The following CHD3 variants were observed in gnomAD, a reference collection of about 807,000 sequenced individuals.
CHD3 encodes chromodomain helicase DNA binding protein 3.
In CHD3, 52 loss-of-function variants were observed where a neutral mutation model predicts 248.9. That is an observed-to-expected ratio of 0.21 (90% CI 0.17 to 0.26). The LOEUF (loss-of-function observed/expected upper bound fraction) is 0.26. Among genes scored for constraint, CHD3 ranks in the 10% least tolerant of loss-of-function variants. CHD3 has a pLI of 1.00. For synonymous variants in CHD3, 985 were observed against 985.2 expected (o/e 1.00, Z 0.00); for missense variants, 1,482 against 2,605.8 (o/e 0.57, Z 9.39).
chr17:7,907,764 G>A lies in CHD3; in HGVS notation c.5026+62G>A. ...AGGGCATCAGGGGAGGTGGAGTCTG[G>A]GGAACCGAATGCTTGGGTCCTGGGC... On this transcript the variant is annotated intron_variant, in intron 33 of 39. Coordinates refer to ENST00000330494, the MANE Select transcript of CHD3 (RefSeq NM_001005273.3). The surrounding 1 kb of genome is among the most constrained non-coding windows in gnomAD (Gnocchi z 4.3). 1 of 1,506,048 alleles carries A rather than the reference G, an allele frequency of 6.6e-7. No homozygotes were observed. Among genetic ancestry groups the A allele is most frequent in the Non-Finnish European group, 8.9e-7 (1 of 1,127,616 alleles). The allele number at this position is 1,506,048 out of a possible 1,614,324, so 93.3% of individuals were successfully genotyped here.
rs149982310 is a variant in CHD3, at chr17:7,895,964, G to A, written c.1707+422G>A. Among the ~76,000 whole-genome samples, 1,125 of 152,062 alleles carry A rather than the reference G, an allele frequency of 7.4e-3. 10 individuals carry two copies. Among genetic ancestry groups the A allele is most frequent in the African/African-American group, 0.025 (1,026 of 41,482 alleles). Reference sequence around the variant, plus strand: ...TTCTCGGCTGGGTGTGGTGGCTCACGCCTGTAATCCCAGTACTTTGGGAGG... The same window carrying A: ...TTCTCGGCTGGGTGTGGTGGCTCACACCTGTAATCCCAGTACTTTGGGAGG... On this transcript the variant is annotated intron_variant, in intron 10 of 39. Transcript: ENST00000330494. The surrounding 1 kb of genome is among the most constrained non-coding windows in gnomAD (Gnocchi z 4.9).
chr17:7,899,594 T>A lies in CHD3; in HGVS notation c.2544+51T>A. 1 of 1,564,946 alleles carries A rather than the reference T, an allele frequency of 6.4e-7. No individual in the cohort carries two copies. Among genetic ancestry groups the A allele is most frequent in the South Asian group, 1.1e-5 (1 of 89,096 alleles). Reference sequence around the variant, plus strand: ...TGAGACCCTCAAAGCTGTCACTTCTTTTTCTCAGCCAGGAATTCAGTTTCT... The same window carrying A: ...TGAGACCCTCAAAGCTGTCACTTCTATTTCTCAGCCAGGAATTCAGTTTCT... On this transcript the variant is annotated intron_variant, in intron 15 of 39. Coordinates refer to ENST00000330494, the MANE Select transcript of CHD3 (RefSeq NM_001005273.3). The surrounding 1 kb of genome is among the most constrained non-coding windows in gnomAD (Gnocchi z 6.8).
In CHD3 at chr17:7,908,924, A is replaced by AG; in HGVS notation, c.5394+98dup. 1 of 1,525,480 alleles carries AG rather than the reference A, an allele frequency of 6.6e-7. No individual in the cohort carries two copies. Among genetic ancestry groups the AG allele is most frequent in the Non-Finnish European group, 9.0e-7 (1 of 1,110,286 alleles). 94.5% of individuals were successfully genotyped at this position (1,525,480 alleles called of 1,614,324 possible). On this transcript the variant is annotated intron_variant, in intron 36 of 39. Coordinates refer to ENST00000330494, the MANE Select transcript of CHD3 (RefSeq NM_001005273.3). This position sits in a 1 kb window ranked among gnomAD's most constrained non-coding sequence, Gnocchi z 5.8. ...GAACCTAGGGAAGGTTAACACCTTCAGGGCTGAGGTGATACCTGGGGCCAA... is the reference window on the plus strand; with the variant it reads ...GAACCTAGGGAAGGTTAACACCTTCAGGGGCTGAGGTGATACCTGGGGCCAA...
chr17:7,899,251 G>A lies in CHD3; in HGVS notation c.2343+49G>A. The A allele has an allele frequency of 6.2e-7, 1 of 1,603,074 alleles. No homozygotes were observed. The highest frequency in any genetic ancestry group is 8.5e-7 in the Non-Finnish European group (1 of 1,171,040). ...GGGGACCGCCTGGACTGGGGAAGTG[G>A]GGAGGGGGAAGATAAAGGGGTGTAG... On this transcript the variant is annotated intron_variant, in intron 14 of 39. Transcript: ENST00000330494. The surrounding 1 kb of genome is among the most constrained non-coding windows in gnomAD (Gnocchi z 6.8).
upstream of CHD3, chr17:7,885,025 C>A: frequency 8.6e-7 from 1 of 1,161,150 alleles, no homozygotes; most frequent in Non-Finnish European, 1.1e-6. Context: ...GCCACCTCTT[C>A]CCGCCGCCGC....
In CHD3 at chr17:7,907,476, A is replaced by G. The variant is rs1401753022; in HGVS notation, c.4912A>G (p.Arg1638Gly). The G allele has an allele frequency of 6.9e-6, 11 of 1,595,246 alleles. No individual in the cohort carries two copies. In the South Asian group the frequency reaches 1.1e-4, roughly 16 times the overall value. Residue 1638 changes from arginine to glycine, a missense_variant, in exon 32 of 40, where the codon AGA becomes GGA. Around this residue, in one of 20 missense-constraint regions of CHD3, gnomAD observed 254 missense variants for 266.7 expected, o/e 0.95. Coordinates refer to ENST00000330494, the MANE Select transcript of CHD3 (RefSeq NM_001005273.3). This position sits in a 1 kb window ranked among gnomAD's most constrained non-coding sequence, Gnocchi z 4.3. ...GCCTGAACCTGGGTACCGTGGGGACAGAGAGAAGTCAGGTGGGTGCATGGC... is the reference window on the plus strand; with the variant it reads ...GCCTGAACCTGGGTACCGTGGGGACGGAGAGAAGTCAGGTGGGTGCATGGC... ...MEPEPGYRGDREKSATESTPG... is the reference protein window; with the variant it reads ...MEPEPGYRGDGEKSATESTPG...
rs746991015 is a variant in CHD3 at position 7,898,122 on chromosome 17, G to T, written c.2051+20G>T. ...ACACCGGTGAGGGAATGAGCTTGTG[G>T]ATTCAAGGGATTCTGACGATGAGGG... On this transcript the variant is annotated intron_variant, in intron 12 of 39. Coordinates refer to ENST00000330494, the MANE Select transcript of CHD3 (RefSeq NM_001005273.3). 4 of 1,611,680 alleles carry T rather than the reference G, an allele frequency of 2.5e-6. No homozygotes were observed. Among genetic ancestry groups the T allele is most frequent in the Admixed American group, 3.4e-5 (2 of 59,678 alleles).
At chr17:7,885,040 G>T, upstream of CHD3, 1 of 1,114,032 alleles carries the variant, frequency 9.0e-7, no homozygotes, top group Non-Finnish European at 1.1e-6. Flanking sequence ...CGCCGCCGCC[G>T]CCGCCGCCAC....
At chr17:7,885,025 C>CCCGCCG (rs759738955), upstream of CHD3, 69 of 1,161,206 alleles carry the variant, frequency 5.9e-5, no homozygotes, top group Admixed American at 1.4e-4. Context: ...GCCACCTCTT[C>CCCGCCG]CCGCCGCCGC....
chr17:7,909,539 G>A lies in CHD3; in HGVS notation c.5590+201G>A. The A allele has an allele frequency of 1.4e-6, 1 of 712,430 alleles. No individual in the cohort carries two copies. Among genetic ancestry groups the A allele is most frequent in the Non-Finnish European group, 2.2e-6 (1 of 453,244 alleles). The allele number at this position is 712,430 out of a possible 1,614,324, so 44.1% of individuals were successfully genotyped here. ...CTTGTGCAAGCCAACCCTCATCCAT[G>A]TCTGATAGCATTCACATCCGTGCCC... is the stretch of plus-strand genomic sequence containing the variant. On this transcript the variant is annotated intron_variant, in intron 37 of 39. Transcript: ENST00000330494. The surrounding 1 kb of genome is among the most constrained non-coding windows in gnomAD (Gnocchi z 8.1).
In CHD3 at chr17:7,911,039, A is replaced by T. The variant is rs1254771138; in HGVS notation, c.5881+66A>T. 6 of 1,600,452 alleles carry T rather than the reference A, an allele frequency of 3.7e-6. No homozygotes were observed. In the African/African-American group the frequency reaches 8.1e-5, roughly 22 times the overall value. ...CCTTTGCCAAACTTTATTTCTGCTC[A>T]GCTGCCCTTTAACTGCTCTAGTCCA... On this transcript the variant is annotated intron_variant, in intron 39 of 39. Coordinates refer to ENST00000330494, the MANE Select transcript of CHD3 (RefSeq NM_001005273.3). This position sits in a 1 kb window ranked among gnomAD's most constrained non-coding sequence, Gnocchi z 5.4.
At position 7,888,962 on chromosome 17, in the gene CHD3, A is replaced by T; in HGVS notation, c.-39A>T. On this transcript the variant is annotated 5_prime_UTR_variant, in exon 1 of 40. Transcript: ENST00000330494. ...GGTAGGTTTTAGGCTACTTGGGAGG[A>T]GGAATATTTAGGTAATTGTGGAGAC... 2 of 1,613,850 alleles carry T rather than the reference A, an allele frequency of 1.2e-6. No individual in the cohort carries two copies. Among genetic ancestry groups the T allele is most frequent in the Non-Finnish European group, 1.7e-6 (2 of 1,179,820 alleles).
In CHD3 at chr17:7,907,614, G is replaced by A. The variant is rs1264937399; in HGVS notation, c.4938G>A (p.Thr1646=). 7 of 1,515,662 alleles carry A rather than the reference G, an allele frequency of 4.6e-6. No homozygotes were observed. The highest frequency in any genetic ancestry group is 2.6e-5 in the South Asian group (2 of 76,540). The allele number at this position is 1,515,662 out of a possible 1,614,324, so 93.9% of individuals were successfully genotyped here. Residue 1646 remains threonine, a synonymous_variant, in exon 33 of 40, where the codon ACG becomes ACA. Coordinates refer to ENST00000330494, the MANE Select transcript of CHD3 (RefSeq NM_001005273.3). This position sits in a 1 kb window ranked among gnomAD's most constrained non-coding sequence, Gnocchi z 4.3. The part of the protein sequence containing the change: ...GDREKSATES[T]PGERGEEKPL... ...CCCCTCCCACAGCCACAGAGTCGAC[G>A]CCAGGAGAAAGGGGGGAGGAGAAGC...
Position 7,911,502 on chromosome 17 carries a change from A to G in CHD3, c.5920A>G (p.Lys1974Glu), listed in dbSNP as rs1310909264. ...CCCTCCAGTGCTTGTGAAGAAGGAGAAGGAAATGGTGGGGGCATTGGTGTC... is the reference window on the plus strand; with the variant it reads ...CCCTCCAGTGCTTGTGAAGAAGGAGGAGGAAATGGTGGGGGCATTGGTGTC... The part of the protein sequence containing the change: ...NGPPVLVKKE[K>E]EMVGALVSDG... The change falls in exon 40 of 40, where the codon AAG becomes GAG. Residue 1974 changes from lysine (K) to glutamate (E), a missense_variant. Coordinates refer to ENST00000330494, the MANE Select transcript of CHD3 (RefSeq NM_001005273.3). This position sits in a 1 kb window ranked among gnomAD's most constrained non-coding sequence, Gnocchi z 5.4. 1 of 1,614,110 alleles carries G rather than the reference A, an allele frequency of 6.2e-7. No individual in the cohort carries two copies. Among genetic ancestry groups the G allele is most frequent in the Non-Finnish European group, 8.5e-7 (1 of 1,180,006 alleles).
In CHD3 at chr17:7,911,119, TC is replaced by T; in HGVS notation, c.5881+152del. ...TATGGGATAGAGTTGTTCTAGGCTG[TC>T]CCCCCACCCATCCCTTTCTTAACCC... On this transcript the variant is annotated intron_variant, in intron 39 of 39. Transcript: ENST00000330494. This position sits in a 1 kb window ranked among gnomAD's most constrained non-coding sequence, Gnocchi z 5.4. 3.4e-6 allele frequency: 4 copies of T among 1,167,488 alleles called. No homozygotes were observed. The highest frequency in any genetic ancestry group is 2.5e-6 in the Non-Finnish European group (2 of 811,800). 72.3% of individuals were successfully genotyped at this position (1,167,488 alleles called of 1,614,324 possible). A position where few individuals can be genotyped will look rare whatever the true frequency, so the allele number is the denominator to read the frequency against.
At chr17:7,888,779 G>C (rs1968389265), upstream of CHD3, 4 of 1,404,058 alleles carry the variant, frequency 2.8e-6, no homozygotes, top group South Asian at 4.7e-5. Flanking sequence ...GGGTGTGTCT[G>C]TCTGTGCCTA....
rs748298491 is a variant in CHD3 at position 7,907,863 on chromosome 17, G to C, written c.5027-31G>C. The stretch of plus-strand genomic sequence containing the variant: ...GGGACCTGGGAGGAGGGTGTCCTGA[G>C]GTGTGAGCTTTGACCTGTCTGTCCT... On this transcript the variant is annotated intron_variant, in intron 33 of 39. Transcript: ENST00000330494. The surrounding 1 kb of genome is among the most constrained non-coding windows in gnomAD (Gnocchi z 4.3). The C allele has an allele frequency of 3.1e-6, 5 of 1,601,258 alleles. No individual in the cohort carries two copies. The highest frequency in any genetic ancestry group is 4.3e-6 in the Non-Finnish European group (5 of 1,171,486).
rs1411462788 is a variant in CHD3 at position 7,894,282 on chromosome 17, G to A, written c.1075+17G>A. ...AGAAGAAGGGTAAGGAGTGTTGACT[G>A]TGTGTGATCCTGTCAGTGGGCCGTC... On this transcript the variant is annotated intron_variant, in intron 7 of 39. Coordinates refer to ENST00000330494, the MANE Select transcript of CHD3 (RefSeq NM_001005273.3). 1 of 1,611,428 alleles carries A rather than the reference G, an allele frequency of 6.2e-7. No homozygotes were observed. The highest frequency in any genetic ancestry group is 8.5e-7 in the Non-Finnish European group (1 of 1,178,314).
chr17:7,896,995 C>T, intron 10 of CHD3, 88 bp from the exon 11 acceptor site: 1 of 1,087,368 alleles, frequency 9.2e-7, no homozygotes, highest in Non-Finnish European at 1.4e-6. Flanking sequence ...TTCCCTGTCC[C>T]ATTCCTCCTG....
Sources: gnomAD v4.1 joint callset for allele counts (sites outside exome capture counted in the v4.1 genomes callset) on GRCh38, gnomAD v4.1.1 for gene constraint, gnomAD v4.1.1 regional missense constraint, Gnocchi (gnomAD v3.1) non-coding constraint, MANE v1.5 for transcripts, NCBI Gene and HGNC (gene_info 2026-07-23, HGNC 2026-07-21) for gene names.